The following CDKL5 variants were observed in gnomAD, a reference collection of about 807,000 sequenced individuals.
The protein encoded by CDKL5 is cyclin-dependent kinase-like 5.
In CDKL5, 8 loss-of-function variants were observed where a neutral mutation model predicts 61.7. The ratio of observed to expected loss-of-function variants is 0.13; its 90% CI spans 0.08 to 0.23. The LOEUF is 0.23. Among genes scored for constraint, CDKL5 ranks in the 10% least tolerant of loss-of-function variants. The pLI, the probability that CDKL5 is intolerant of heterozygous loss-of-function variation, is 1.00. For synonymous variants in CDKL5, 275 were observed against 272.3 expected, an observed-to-expected ratio of 1.01 and a Z score of -0.10; for missense variants, 440 against 734.5, an observed-to-expected ratio of 0.60 and a Z score of 4.63.
downstream of CDKL5, among the ~76,000 whole-genome samples, chrX:18,643,846 A>G (rs775817408): frequency 4.4e-4 from 49 of 111,031 alleles, no homozygotes; most frequent in African/African-American, 1.5e-3. Context: ...ATATATATAT[A>G]TAGTCAGGAG....
chrX:18,480,431 A>G (rs1212784778), intron 1 of CDKL5, among the ~76,000 whole-genome samples: 1 of 112,088 alleles, frequency 8.9e-6, no homozygotes, highest in Non-Finnish European at 1.9e-5. Flanking sequence ...ATTAACCTTG[A>G]TCACCTGGCT....
intron 1 of CDKL5, among the ~76,000 whole-genome samples, chrX:18,453,951 G>A (rs2147638307): frequency 8.9e-6 from 1 of 111,842 alleles, no homozygotes; most frequent in African/African-American, 3.2e-5. Flanking sequence ...TATTTATAAT[G>A]CATTTGGCTT....
chrX:18,588,231 T>C, intron 9 of CDKL5, 88 bp downstream of exon 9: 1 of 705,474 alleles, frequency 1.4e-6, no homozygotes, highest in Non-Finnish European at 2.3e-6. Flanking sequence ...TAAACTATCC[T>C]TTGAATACTA....
intron 3 of CDKL5, among the ~76,000 whole-genome samples, chrX:18,543,252 A>T (rs1251798345): frequency 9.2e-6 from 1 of 108,260 alleles, no homozygotes; most frequent in Admixed American, 9.8e-5. Flanking sequence ...TTGTTAGCCT[A>T]CCCTTTTCCT....
chrX:18,567,243 C>T (rs1020171143), intron 4 of CDKL5, among the ~76,000 whole-genome samples: 10 of 111,551 alleles, frequency 9.0e-5, no homozygotes, highest in African/African-American at 3.3e-4. Flanking sequence ...GTCTATTCAA[C>T]CCCTGGGTAA....
At position 18,454,890 on chromosome X, in the gene CDKL5, A is replaced by ATTTT. The variant is rs759341960; in HGVS notation, c.-163+29212_-163+29215dup. On this transcript the variant is annotated intron_variant, in intron 1 of 17. Coordinates refer to ENST00000623535, the MANE Select transcript of CDKL5 (RefSeq NM_001323289.2). ...CATCACTATAATAGTTCTCAAGTGT[A>ATTTT]TTTTTTTTTTTTTTTTTTTTGAGAC... is the stretch of plus-strand genomic sequence containing the variant. Among the ~76,000 whole-genome samples the ATTTT allele has an allele frequency of 1.1e-4, 9 of 80,259 alleles. 1 individual carries two copies. The highest frequency in any genetic ancestry group is 8.0e-4 in the East Asian group (2 of 2,500). 69.7% of individuals were successfully genotyped at this position (80,259 alleles called of 115,157 possible). A position where few individuals can be genotyped will look rare whatever the true frequency, so the allele number is the denominator to read the frequency against.
intron 1 of CDKL5, among the ~76,000 whole-genome samples, chrX:18,431,834 T>G (rs1368105749): frequency 9.0e-6 from 1 of 110,974 alleles, no homozygotes; most frequent in Non-Finnish European, 1.9e-5. Context: ...CAATCCAGTT[T>G]TAGAACATTT....
chrX:18,490,893 T>C (rs896664416), intron 1 of CDKL5, among the ~76,000 whole-genome samples: 2 of 112,330 alleles, frequency 1.8e-5, no homozygotes, highest in African/African-American at 6.5e-5. Flanking sequence ...CAAATATCTC[T>C]GTAAATAAAA....
intron 16 of CDKL5, 29 bp from the exon 17 acceptor site, chrX:18,625,099 A>G: frequency 5.0e-6 from 6 of 1,198,740 alleles, no homozygotes; most frequent in Non-Finnish European, 5.6e-6. Flanking sequence ...CAGTGTGCTT[A>G]TTGAATGCTT....
chrX:18,619,239 G>A (rs1447351220), intron 15 of CDKL5, among the ~76,000 whole-genome samples: 1 of 102,666 alleles, frequency 9.7e-6, no homozygotes, highest in African/African-American at 3.6e-5. Flanking sequence ...AAGCGATCCT[G>A]TCCCAGCCTC....
chrX:18,506,014 T>C (rs1922565015), intron 1 of CDKL5, among the ~76,000 whole-genome samples: 1 of 113,071 alleles, frequency 8.8e-6, no homozygotes. Context: ...TTCTCCCCCA[T>C]TTATTTATTT....
chrX:18,492,111 G>T (rs1827681635), intron 1 of CDKL5, among the ~76,000 whole-genome samples: 1 of 111,390 alleles, frequency 9.0e-6, no homozygotes, highest in Non-Finnish European at 1.9e-5. Context: ...CACCAGCAGT[G>T]TATGAGCAAG....
chrX:18,601,552 A>G (rs1202891628), intron 11 of CDKL5, among the ~76,000 whole-genome samples: 1 of 112,282 alleles, frequency 8.9e-6, no homozygotes, highest in East Asian at 2.8e-4. Context: ...CTCCGATGCA[A>G]AGGGAGTATG....
chrX:18,509,488 C>T (rs1460521276), intron 2 of CDKL5, among the ~76,000 whole-genome samples: 5 of 111,118 alleles, frequency 4.5e-5, no homozygotes, highest in East Asian at 5.7e-4. Context: ...ATTTTGTATC[C>T]GTGAAGCCCC....
At chrX:18,601,600 T>A (rs752719067) in intron 11 of CDKL5, among the ~76,000 whole-genome samples, 2 of 112,483 alleles carry the variant, frequency 1.8e-5, no homozygotes, top group African/African-American at 6.4e-5. Context: ...CAAAGCTCAG[T>A]GGTTTCCAAC....
At chrX:18,511,565 C>T (rs183956021) in intron 3 of CDKL5, among the ~76,000 whole-genome samples, 1 of 111,581 alleles carries the variant, frequency 9.0e-6, no homozygotes, top group Non-Finnish European at 1.9e-5. Flanking sequence ...AGGTAACATG[C>T]TATACAGGTT....
chrX:18,553,465 CGTGTGTGTGT>C (rs201802099), intron 3 of CDKL5, among the ~76,000 whole-genome samples: 150 of 90,829 alleles, frequency 1.7e-3, no homozygotes, highest in African/African-American at 5.1e-3. Flanking sequence ...TGTGTGTGTG[CGTGTGTGTGT>C]GTGTGTGTGT....
chrX:18,653,487 G>C, exon 22 of CDKL5: 1 of 1,211,713 alleles, frequency 8.3e-7, no homozygotes, highest in African/African-American at 1.7e-5. Flanking sequence ...ACAGGGCCCA[G>C]GTAAACCAAG....
At chrX:18,579,697 T>C (rs1016160601) in intron 5 of CDKL5, 151 bp from the exon 6 acceptor site, 5 of 523,921 alleles carry the variant, frequency 9.5e-6, no homozygotes, top group Non-Finnish European at 1.6e-5. Flanking sequence ...TTAATGCTGA[T>C]TCAGCATGAG....
Sources: gnomAD v4.1 joint callset for allele counts (sites outside exome capture counted in the v4.1 genomes callset) on GRCh38, gnomAD v4.1.1 for gene constraint, MANE v1.5 for transcripts, NCBI Gene and HGNC (gene_info 2026-07-23, HGNC 2026-07-21) for gene names.